Variants in GOT1 observed in about 807,000 individuals in gnomAD.
The protein encoded by GOT1 is aspartate aminotransferase, cytoplasmic.
A neutral mutation model predicts 48.2 loss-of-function variants in GOT1; 25 were observed. That is an observed-to-expected ratio of 0.52 (90% confidence interval 0.38 to 0.72). The LOEUF is 0.72. GOT1 is among the 30% of genes least tolerant of loss of function. GOT1 has a pLI of 0.00. For missense variants in GOT1, 380 were observed against 520.1 expected (o/e 0.73, Z 2.62); for synonymous variants, 188 against 193.8 (o/e 0.97, Z 0.25).
At position 99,414,946 on chromosome 10, in the gene GOT1, G is replaced by A. The variant is rs1347578673; in HGVS notation, c.300+5678C>T. Among the ~76,000 whole-genome samples, 4 of 151,260 alleles carry A rather than the reference G, an allele frequency of 2.6e-5. No homozygotes were observed. The East Asian group carries it at 7.9e-4, about 30-fold the overall frequency. ...CTCTGGGACACATTTAAAACAGTGT[G>A]TAGAGGGAAATTTATAGCACTAAAT... is the stretch of plus-strand genomic sequence containing the variant. On this transcript the variant is annotated intron_variant, in intron 2 of 8. Transcript: ENST00000370508.
In GOT1 at chr10:99,429,388, A is replaced by C. The variant is rs2494651; in HGVS notation, c.118+1060T>G. On this transcript the variant is annotated intron_variant, in intron 1 of 8. Coordinates refer to ENST00000370508, the MANE Select transcript of GOT1 (RefSeq NM_002079.3). ...TTTTTAACAAATGCTATGCACAGAC[A>C]AAACGTTATCTATGAGAAACCTGAT... Among the ~76,000 whole-genome samples the C allele has an allele frequency of 5.4e-3, 821 of 151,482 alleles. 6 individuals are homozygous for C. Among genetic ancestry groups the C allele is most frequent in the African/African-American group, 0.018 (762 of 41,190 alleles).
intron 2 of GOT1, among the ~76,000 whole-genome samples, chr10:99,416,198 G>A (rs138842464): frequency 0.02 from 2,969 of 152,198 alleles, 89 homozygotes; most frequent in African/African-American, 0.065. Context: ...AAACCCCATC[G>A]TCTCACCACA....
rs539858304 is a variant in GOT1 at position 99,417,856 on chromosome 10, A to T, written c.300+2768T>A. Among the ~76,000 whole-genome samples the T allele has an allele frequency of 2.0e-5, 3 of 152,250 alleles. No homozygotes were observed. The East Asian group carries it at 5.8e-4, about 29-fold the overall frequency. ...TCATAGGTGGGAATTGAACAATGAG[A>T]ACACTTGGACACAGGAAGGAGAACA... is the stretch of plus-strand genomic sequence containing the variant. On this transcript the variant is annotated intron_variant, in intron 2 of 8. Transcript: ENST00000370508.
rs553871330 is a variant in GOT1 at position 99,414,369 on chromosome 10, CA to C, written c.300+6254del. 4.6e-3 allele frequency among the ~76,000 whole-genome samples: 697 copies of C among 152,252 alleles called. 5 individuals are homozygous for C. Among genetic ancestry groups the C allele is most frequent in the Non-Finnish European group, 8.5e-3 (579 of 68,008 alleles). On this transcript the variant is annotated intron_variant, in intron 2 of 8. Coordinates refer to ENST00000370508, the MANE Select transcript of GOT1 (RefSeq NM_002079.3). ...GGCCATTACATAATTGTAAAGGGAT[CA>C]ATTCAACAAGAAGAGCTACCTATCC...
Position 99,430,452 on chromosome 10 carries a change from C to T in GOT1, c.114G>A (p.Val38=), listed in dbSNP as rs373418737. The T allele has an allele frequency of 1.9e-6, 3 of 1,607,024 alleles. No homozygotes were observed. Among genetic ancestry groups the T allele is most frequent in the Non-Finnish European group, 2.6e-6 (3 of 1,175,734 alleles). Residue 38 remains valine (V), a synonymous_variant, in exon 1 of 9, where the codon GTG becomes GTA. Transcript: ENST00000370508. ...DPDPRKVNLG[V]GAYRTDDCHP... is the part of the protein sequence containing the mutation. ...TCCAGAGCACTACATCCTTACCTCC[C>T]ACTCCCAGGTTGACCTTGCGGGGGT... is the stretch of plus-strand genomic sequence containing the variant.
At chr10:99,412,459 A>AGAGGCTATTAGT (rs1270966066) in intron 2 of GOT1, among the ~76,000 whole-genome samples, 11 of 151,730 alleles carry the variant, frequency 7.2e-5, no homozygotes, top group Non-Finnish European at 5.9e-5. Flanking sequence ...AGGTAAATTA[A>AGAGGCTATTAGT]GAGGCTATTA....
In GOT1 at chr10:99,405,771, A is replaced by T; in HGVS notation, c.627T>A (p.Ile209=). Residue 209 remains isoleucine, a synonymous_variant, in exon 5 of 9, where the codon ATT becomes ATA. Transcript: ENST00000370508. ...GGGCAGTTACCTTCATGACAGAAGC[A>T]ATCTGCTTCCACTGCTCCGGAGTTG... is the stretch of plus-strand genomic sequence containing the variant. The part of the protein sequence containing the change: ...IDPTPEQWKQ[I]ASVMKHRFLF... 2 of 1,576,538 alleles carry T rather than the reference A, an allele frequency of 1.3e-6. No individual in the cohort carries two copies. Among genetic ancestry groups the T allele is most frequent in the Non-Finnish European group, 1.7e-6 (2 of 1,145,650 alleles).
chr10:99,425,453 A>C (rs1011225235), intron 1 of GOT1, among the ~76,000 whole-genome samples: 9 of 152,236 alleles, frequency 5.9e-5, no homozygotes, highest in Admixed American at 5.9e-4. Context: ...TAAACCAGAG[A>C]GAAGGACAGA....
rs2032620607 is a variant in GOT1, at chr10:99,397,876, T to C, written c.1103-190A>G. Among the ~76,000 whole-genome samples the C allele has an allele frequency of 6.6e-6, 1 of 152,202 alleles. No individual in the cohort carries two copies. The highest frequency in any genetic ancestry group is 1.5e-5 in the Non-Finnish European group (1 of 68,034). ...ACTAGATTCTGGAAAGTACTCTTAC[T>C]AGTTCACCTTTGAATCCCCAGAAAA... On this transcript the variant is annotated intron_variant, in intron 8 of 8. Transcript: ENST00000370508. The surrounding 1 kb of genome is among the most constrained non-coding windows in gnomAD (Gnocchi z 5.4).
intron 8 of GOT1, among the ~76,000 whole-genome samples, chr10:99,400,974 C>A (rs1343304596): frequency 6.6e-6 from 1 of 152,054 alleles, no homozygotes; most frequent in Non-Finnish European, 1.5e-5. Flanking sequence ...GAAAACAAAA[C>A]CCCTGTTTTT....
intron 1 of GOT1, among the ~76,000 whole-genome samples, chr10:99,427,393 C>T (rs1450481435): frequency 6.6e-6 from 1 of 152,166 alleles, no homozygotes; most frequent in East Asian, 1.9e-4. Flanking sequence ...CTCAGCCTCC[C>T]GTGTAGCTGG....
At chr10:99,410,730 G>A (rs2032818071) in intron 2 of GOT1, among the ~76,000 whole-genome samples, 1 of 152,180 alleles carries the variant, frequency 6.6e-6, no homozygotes, top group Non-Finnish European at 1.5e-5. Flanking sequence ...GTCATTCTGT[G>A]AACTGATTTT....
chr10:99,398,028 T>A (rs2032622217), intron 8 of GOT1, among the ~76,000 whole-genome samples: 1 of 152,190 alleles, frequency 6.6e-6, no homozygotes, highest in African/African-American at 2.4e-5. Context: ...CGATATGAAA[T>A]GCTGGCTATG....
intron 1 of GOT1, among the ~76,000 whole-genome samples, chr10:99,429,750 T>C (rs1192063976): frequency 6.6e-6 from 1 of 152,098 alleles, no homozygotes; most frequent in Non-Finnish European, 1.5e-5. Context: ...GAGAATCACT[T>C]GAATCAAGAA....
intron 1 of GOT1, among the ~76,000 whole-genome samples, chr10:99,427,835 A>G (rs926540605): frequency 6.6e-6 from 1 of 152,134 alleles, no homozygotes; most frequent in Non-Finnish European, 1.5e-5. Context: ...TGGTCAAATG[A>G]CCTGGGGCAA....
intron 2 of GOT1, among the ~76,000 whole-genome samples, chr10:99,408,755 G>A (rs1052151912): frequency 6.6e-6 from 1 of 152,088 alleles, no homozygotes. Flanking sequence ...AGGGACACAC[G>A]CCAATCTTCT....
At chr10:99,404,484 TC>T (rs2032728254) in intron 5 of GOT1, among the ~76,000 whole-genome samples, 1 of 152,118 alleles carries the variant, frequency 6.6e-6, no homozygotes, top group South Asian at 2.1e-4. Context: ...ATCCCCCACA[TC>T]CTGGCACTCC....
chr10:99,410,704 A>G (rs2032817679), intron 2 of GOT1, among the ~76,000 whole-genome samples: 1 of 152,242 alleles, frequency 6.6e-6, no homozygotes, highest in Non-Finnish European at 1.5e-5. Context: ...TGGTGAATCA[A>G]TAATATAGCA....
intron 4 of GOT1, 76 bp downstream of exon 4, chr10:99,406,061 T>C (rs1477985552): frequency 2.0e-6 from 2 of 1,012,590 alleles, no homozygotes; most frequent in Non-Finnish European, 1.6e-6. Flanking sequence ...CTCCTTCACT[T>C]AGCAACTGGT....
Sources: allele counts gnomAD v4.1 joint callset (sites outside exome capture counted in the v4.1 genomes callset), GRCh38; gene constraint gnomAD v4.1.1; non-coding constraint Gnocchi (gnomAD v3.1); transcripts MANE v1.5; gene names NCBI Gene and HGNC (gene_info 2026-07-23, HGNC 2026-07-21).